The following FHIT variants were observed in gnomAD, a reference collection of about 807,000 sequenced individuals.
FHIT encodes the protein fragile histidine triad diadenosine triphosphatase.
In FHIT, 19 loss-of-function variants were observed where a neutral mutation model predicts 17.9. That is an observed-to-expected ratio of 1.06 (90% CI 0.74 to 1.56). FHIT has a LOEUF of 1.56. Ranked by LOEUF, FHIT falls within the 40% of genes most tolerant of loss-of-function variation. The pLI, the probability that FHIT is intolerant of heterozygous loss-of-function variation, is 0.00. For synonymous variants in FHIT, 81 were observed against 69.7 expected (o/e 1.16, Z -0.81); for missense variants, 248 against 189.2 (o/e 1.31, Z -1.82).
rs141475077 is a variant in FHIT at position 61,156,929 on chromosome 3, G to A, written c.-164+43688C>T. Among the ~76,000 whole-genome samples, 792 of 152,292 alleles carry A rather than the reference G, an allele frequency of 5.2e-3. 6 individuals carry two copies. The highest frequency in any genetic ancestry group is 0.018 in the African/African-American group (763 of 41,570). On this transcript the variant is annotated intron_variant, in intron 2 of 9. Coordinates refer to ENST00000492590, the MANE Select transcript of FHIT (RefSeq NM_002012.4). ...TCCTGCAAATACAGACTCTTGAGAT[G>A]ATTCTTACATGCCTACTAAAGTTTG...
At chr3:60,729,308 T>C (rs542592995) in intron 4 of FHIT, among the ~76,000 whole-genome samples, 5 of 152,332 alleles carry the variant, frequency 3.3e-5, no homozygotes, top group East Asian at 3.9e-4. Context: ...CACCATTCAC[T>C]GGGACAACCA....
chr3:59,802,550 C>T (rs1203551366), intron 8 of FHIT, among the ~76,000 whole-genome samples: 1 of 152,150 alleles, frequency 6.6e-6, no homozygotes, highest in Non-Finnish European at 1.5e-5. Context: ...CCGCCCCTGC[C>T]CACCAGAGAA....
intron 4 of FHIT, among the ~76,000 whole-genome samples, chr3:60,590,238 G>T (rs2038040623): frequency 6.6e-6 from 1 of 151,992 alleles, no homozygotes; most frequent in Non-Finnish European, 1.5e-5. Flanking sequence ...CACCTTGGCG[G>T]ACATCAAAGA....
intron 4 of FHIT, among the ~76,000 whole-genome samples, chr3:60,815,378 A>G (rs532513267): frequency 2.1e-4 from 32 of 152,106 alleles, no homozygotes; most frequent in Non-Finnish European, 3.7e-4. Flanking sequence ...GAGTTCTTAC[A>G]TTTAAATCTT....
rs1701335206 is a variant in FHIT at position 59,758,521 on chromosome 3, TTTTCAGTGATC to T, written c.349-6211_349-6201del. Reference sequence around the variant, plus strand: ...ATCTTACTGAGAGAAACTTATTCCCTTTTCAGTGATCTTTCAGTCCCTCTGACTGTTCAAGA... The same window carrying T: ...ATCTTACTGAGAGAAACTTATTCCCTTTTCAGTCCCTCTGACTGTTCAAGA... On this transcript the variant is annotated intron_variant, in intron 8 of 9. Transcript: ENST00000492590. Among the ~76,000 whole-genome samples the T allele has an allele frequency of 2.0e-5, 3 of 152,290 alleles. No homozygotes were observed. The South Asian group carries it at 6.2e-4, about 32-fold the overall frequency.
At chr3:60,484,039 C>A (rs1487818926) in intron 5 of FHIT, among the ~76,000 whole-genome samples, 1 of 152,014 alleles carries the variant, frequency 6.6e-6, no homozygotes, top group Non-Finnish European at 1.5e-5. Flanking sequence ...CAACAATAGA[C>A]AAGCAGAGAG....
rs555033120 is a variant in FHIT, at chr3:60,891,581, C to T, written c.-110-69570G>A. Reference sequence around the variant, plus strand: ...ACTTGATCTTCTGGATCCAGCAGTTCTAGAAGTCATACGTGTCTATATTTT... The same window carrying T: ...ACTTGATCTTCTGGATCCAGCAGTTTTAGAAGTCATACGTGTCTATATTTT... On this transcript the variant is annotated intron_variant, in intron 3 of 9. Coordinates refer to ENST00000492590, the MANE Select transcript of FHIT (RefSeq NM_002012.4). Among the ~76,000 whole-genome samples the T allele has an allele frequency of 2.0e-5, 3 of 152,252 alleles. No individual in the cohort carries two copies. In the East Asian group the frequency reaches 5.8e-4, roughly 29 times the overall value.
chr3:60,964,321 T>C (rs1709606693), intron 3 of FHIT, among the ~76,000 whole-genome samples: 1 of 152,108 alleles, frequency 6.6e-6, no homozygotes, highest in Non-Finnish European at 1.5e-5. Flanking sequence ...TGAGCCTATG[T>C]GTGTCTCTGC....
intron 3 of FHIT, among the ~76,000 whole-genome samples, chr3:60,898,027 C>G (rs528371158): frequency 6.6e-4 from 100 of 152,172 alleles, no homozygotes; most frequent in Middle Eastern, 3.4e-3. Flanking sequence ...AAAAACAAAT[C>G]AAGATGTTGG....
chr3:60,550,563 T>C (rs1316180991), intron 4 of FHIT, among the ~76,000 whole-genome samples: 1 of 151,970 alleles, frequency 6.6e-6, no homozygotes, highest in Non-Finnish European at 1.5e-5. Flanking sequence ...AAATGCCAAC[T>C]GCCTTTTCAA....
chr3:61,006,191 T>C (rs1383412693), intron 3 of FHIT, among the ~76,000 whole-genome samples: 2 of 152,208 alleles, frequency 1.3e-5, no homozygotes, highest in Non-Finnish European at 2.9e-5. Flanking sequence ...AGGTTAATGG[T>C]ATAATTTCAA....
At chr3:60,487,778 G>A (rs1391683512) in intron 5 of FHIT, among the ~76,000 whole-genome samples, 1 of 152,018 alleles carries the variant, frequency 6.6e-6, no homozygotes, top group Admixed American at 6.6e-5. Flanking sequence ...ACAAGTCAGA[G>A]ATGATGAAGT....
intron 5 of FHIT, among the ~76,000 whole-genome samples, chr3:60,225,263 C>G (rs1052530722): frequency 6.6e-6 from 1 of 152,126 alleles, no homozygotes; most frequent in African/African-American, 2.4e-5. Context: ...TATCCAGTGA[C>G]GTGGTTAACT....
In FHIT at chr3:60,669,553, GATAGGAAGTAGGGGA is replaced by G. The variant is rs573025556; in HGVS notation, c.-17-132589_-17-132575del. Among the ~76,000 whole-genome samples, 30 of 152,120 alleles carry G rather than the reference GATAGGAAGTAGGGGA, an allele frequency of 2.0e-4. No homozygotes were observed. The South Asian group carries it at 4.8e-3, about 24-fold the overall frequency. On this transcript the variant is annotated intron_variant, in intron 4 of 9. Coordinates refer to ENST00000492590, the MANE Select transcript of FHIT (RefSeq NM_002012.4). ...ATACATGTATGTTTCAAGCATCCAA[GATAGGAAGTAGGGGA>G]ACATGATGAATTTTCTTTTCTAGAA...
chr3:60,600,774 A>G (rs1001970524), intron 4 of FHIT, among the ~76,000 whole-genome samples: 2 of 152,230 alleles, frequency 1.3e-5, no homozygotes, highest in Non-Finnish European at 2.9e-5. Context: ...ACTTTGTTAT[A>G]GAAGCTCCTA....
At chr3:59,859,891 TG>T (rs1702334366) in intron 8 of FHIT, among the ~76,000 whole-genome samples, 1 of 152,218 alleles carries the variant, frequency 6.6e-6, no homozygotes, top group Non-Finnish European at 1.5e-5. Context: ...ATGGTAGTGC[TG>T]TATCAGTGTT....
intron 8 of FHIT, among the ~76,000 whole-genome samples, chr3:59,762,165 C>A (rs1359026677): frequency 6.6e-6 from 1 of 152,126 alleles, no homozygotes; most frequent in African/African-American, 2.4e-5. Flanking sequence ...AAGGGAGGAT[C>A]CGCATCCTGG....
At chr3:60,423,837 A>G (rs1400715889) in intron 5 of FHIT, among the ~76,000 whole-genome samples, 1 of 152,094 alleles carries the variant, frequency 6.6e-6, no homozygotes, top group Non-Finnish European at 1.5e-5. Context: ...CTTGCAGCAA[A>G]TATTTGTTTC....
chr3:59,981,096 A>T (rs751863272), intron 7 of FHIT, among the ~76,000 whole-genome samples: 11 of 152,294 alleles, frequency 7.2e-5, no homozygotes, highest in Non-Finnish European at 1.2e-4. Context: ...AACAAAAAAA[A>T]CACTGGGTCC....
Sources: allele counts gnomAD v4.1 joint callset (sites outside exome capture counted in the v4.1 genomes callset), GRCh38; gene constraint gnomAD v4.1.1; transcripts MANE v1.5; gene names NCBI Gene and HGNC (gene_info 2026-07-23, HGNC 2026-07-21).